ATP6V1E2: variants seen among roughly 807,000 people sequenced by gnomAD.
ATP6V1E2 encodes ATPase H+ transporting V1 subunit E2, also known as V-type proton ATPase subunit E 2.
For synonymous variants in ATP6V1E2, 121 were observed against 104.2 expected, an observed-to-expected ratio of 1.16 and a Z score of -0.98; for missense variants, 308 against 273.3, an observed-to-expected ratio of 1.13 and a Z score of -0.90.
Position 46,530,651 on chromosome 2 carries a change from A to C in ATP6V1E2, c.-102+5162T>G, listed in dbSNP as rs1202750431. 6.6e-6 allele frequency among the ~76,000 whole-genome samples: 1 copy of C among 152,150 alleles called. No individual in the cohort carries two copies. The highest frequency in any genetic ancestry group is 1.5e-5 in the Non-Finnish European group (1 of 68,030). On this transcript the variant is annotated intron_variant, in intron 4 of 4. Coordinates refer to ENST00000522587, the MANE Select transcript of ATP6V1E2 (RefSeq NM_001318063.2). This position sits in a 1 kb window ranked among gnomAD's most constrained non-coding sequence, Gnocchi z 5.2. ...TCCTGATGTATTAGTTTGTTCTCAC[A>C]CTGCGAATAAAGACATAACCAGGAC...
rs1235243049 is a variant in ATP6V1E2, at chr2:46,511,906, T to C, written c.*125A>G. On this transcript the variant is annotated 3_prime_UTR_variant, in exon 5 of 5. Transcript: ENST00000522587. ...AACACTTTAGCTATCCAAAGGGTAT[T>C]TCGTGAAGAAAAACAGAACAGTATC... 8.3e-6 allele frequency: 7 copies of C among 845,148 alleles called. No homozygotes were observed. Among genetic ancestry groups the C allele is most frequent in the Non-Finnish European group, 1.2e-5 (7 of 569,918 alleles). The allele number at this position is 845,148 out of a possible 1,614,324, so 52.4% of individuals were successfully genotyped here.
chr2:46,539,811 A>G (rs751635053), intron 2 of ATP6V1E2, among the ~76,000 whole-genome samples: 11 of 152,202 alleles, frequency 7.2e-5, no homozygotes, highest in South Asian at 2.1e-4. Context: ...CCCCAGGTCA[A>G]TGACATCACT....
At chr2:46,525,639 ATGAG>A (rs1379450012) in intron 4 of ATP6V1E2, among the ~76,000 whole-genome samples, 2 of 152,122 alleles carry the variant, frequency 1.3e-5, no homozygotes, top group Non-Finnish European at 2.9e-5. Flanking sequence ...TCAGTTGCTG[ATGAG>A]TAAGGAGCCA....
At chr2:46,516,811 T>C (rs1489604773) in intron 4 of ATP6V1E2, among the ~76,000 whole-genome samples, 1 of 151,866 alleles carries the variant, frequency 6.6e-6, no homozygotes, top group Non-Finnish European at 1.5e-5. Context: ...CTGAAAAGTA[T>C]AAAACATTGC....
intron 2 of ATP6V1E2, among the ~76,000 whole-genome samples, chr2:46,540,764 T>C (rs1352029579): frequency 6.6e-6 from 1 of 151,948 alleles, no homozygotes; most frequent in Non-Finnish European, 1.5e-5. Context: ...CCCCTCCCCA[T>C]CCCACATATA....
chr2:46,520,004 T>G (rs1036782262), intron 4 of ATP6V1E2: 1 of 152,286 alleles, frequency 6.6e-6, no homozygotes, highest in African/African-American at 2.4e-5. Flanking sequence ...TGACCAGTCA[T>G]ATCCTTTGTG....
rs1336532876 is a variant in ATP6V1E2 at position 46,530,025 on chromosome 2, T to TA, written c.-102+5787dup. ...TCAGTATATTTATAACCTGTCCTGTTACATTGTTGCAAAGGGGGTTGAAGG... is the reference window on the plus strand; with the variant it reads ...TCAGTATATTTATAACCTGTCCTGTTAACATTGTTGCAAAGGGGGTTGAAGG... On this transcript the variant is annotated intron_variant, in intron 4 of 4. Transcript: ENST00000522587. The surrounding 1 kb of genome is among the most constrained non-coding windows in gnomAD (Gnocchi z 5.2). 6.6e-6 allele frequency among the ~76,000 whole-genome samples: 1 copy of TA among 152,180 alleles called. No individual in the cohort carries two copies. The highest frequency in any genetic ancestry group is 1.5e-5 in the Non-Finnish European group (1 of 68,026).
At chr2:46,538,267 G>A (rs776588813) in intron 2 of ATP6V1E2, among the ~76,000 whole-genome samples, 1 of 152,254 alleles carries the variant, frequency 6.6e-6, no homozygotes, top group South Asian at 2.1e-4. Flanking sequence ...ACAGGTCCAA[G>A]CTTGTCATTT....
chr2:46,529,033 A>G (rs1667060136), intron 4 of ATP6V1E2, among the ~76,000 whole-genome samples: 1 of 152,190 alleles, frequency 6.6e-6, no homozygotes. Flanking sequence ...CAGAGGGGCC[A>G]AGGGTAGGTA....
chr2:46,519,085 GA>G (rs1666470618), intron 4 of ATP6V1E2: 1 of 152,186 alleles, frequency 6.6e-6, no homozygotes, highest in Admixed American at 6.5e-5. Context: ...CAGGCAGCTT[GA>G]ATCCAAAGAG....
chr2:46,517,462 C>G (rs567126393), intron 4 of ATP6V1E2, among the ~76,000 whole-genome samples: 4 of 152,044 alleles, frequency 2.6e-5, no homozygotes, highest in Non-Finnish European at 5.9e-5. Flanking sequence ...GCACAGACAA[C>G]AAAAGCAAAA....
intron 4 of ATP6V1E2, among the ~76,000 whole-genome samples, chr2:46,531,401 A>G (rs1667174604): frequency 1.3e-5 from 2 of 152,234 alleles, no homozygotes; most frequent in Non-Finnish European, 2.9e-5. Flanking sequence ...CACTGTATCC[A>G]TATACCACAA....
intron 4 of ATP6V1E2, among the ~76,000 whole-genome samples, chr2:46,526,462 T>G (rs766233550): frequency 9.2e-5 from 14 of 152,194 alleles, no homozygotes; most frequent in Non-Finnish European, 1.6e-4. Context: ...CACATGGTTT[T>G]GCAACTATCA....
At chr2:46,513,084 G>A (rs1687549409) in intron 4 of ATP6V1E2, among the ~76,000 whole-genome samples, 1 of 152,168 alleles carries the variant, frequency 6.6e-6, no homozygotes, top group South Asian at 2.1e-4. Flanking sequence ...AGTGGCCTAA[G>A]ACTCAGATAG....
At position 46,530,483 on chromosome 2, in the gene ATP6V1E2, C is replaced by T. The variant is rs7586381; in HGVS notation, c.-102+5330G>A. Among the ~76,000 whole-genome samples, 39 of 152,272 alleles carry T rather than the reference C, an allele frequency of 2.6e-4. No individual in the cohort carries two copies. Among genetic ancestry groups the T allele is most frequent in the African/African-American group, 8.7e-4 (36 of 41,540 alleles). The stretch of plus-strand genomic sequence containing the variant: ...AAACACAAAGGTTCTCATTATTACC[C>T]GCTTTCCCTGGCCACCTGCCCTGCA... On this transcript the variant is annotated intron_variant, in intron 4 of 4. Transcript: ENST00000522587. The surrounding 1 kb of genome is among the most constrained non-coding windows in gnomAD (Gnocchi z 5.2).
In ATP6V1E2 at chr2:46,512,723, G is replaced by A. The variant is rs1007883231; in HGVS notation, c.-12C>T. On this transcript the variant is annotated 5_prime_UTR_variant, in exon 5 of 5. Coordinates refer to ENST00000522587, the MANE Select transcript of ATP6V1E2 (RefSeq NM_001318063.2). ...TCACTCAGGGCCATGGCTGCTCTCA[G>A]AGGGGACGGCAGAGAGGGAGCTCGT... The A allele has an allele frequency of 7.5e-6, 12 of 1,601,480 alleles. No homozygotes were observed. The highest frequency in any genetic ancestry group is 1.0e-5 in the Non-Finnish European group (12 of 1,174,664).
intron 2 of ATP6V1E2, among the ~76,000 whole-genome samples, chr2:46,538,148 C>T (rs1558671667): frequency 1.3e-5 from 2 of 152,154 alleles, no homozygotes; most frequent in Non-Finnish European, 2.9e-5. Flanking sequence ...TGTTCACTGC[C>T]ATGCTTGGGT....
At chr2:46,525,416 C>T (rs1287345962) in intron 4 of ATP6V1E2, among the ~76,000 whole-genome samples, 148 of 145,920 alleles carry the variant, frequency 1.0e-3, no homozygotes, top group Middle Eastern at 3.6e-3. Context: ...GAGCCGAGAT[C>T]GCGCCACAGC....
In ATP6V1E2 at chr2:46,530,987, A is replaced by G. The variant is rs1366581498; in HGVS notation, c.-102+4826T>C. 6.6e-6 allele frequency among the ~76,000 whole-genome samples: 1 copy of G among 152,210 alleles called. No homozygotes were observed. Among genetic ancestry groups the G allele is most frequent in the East Asian group, 1.9e-4 (1 of 5,198 alleles). ...TGAGATTTGGGTGAGGACACAGCCA[A>G]ACCATATTACCTGACTTTTTTTCTC... is the stretch of plus-strand genomic sequence containing the variant. On this transcript the variant is annotated intron_variant, in intron 4 of 4. Transcript: ENST00000522587. The surrounding 1 kb of genome is among the most constrained non-coding windows in gnomAD (Gnocchi z 5.2).
Sources: gnomAD v4.1 joint callset for allele counts (sites outside exome capture counted in the v4.1 genomes callset) on GRCh38, gnomAD v4.1.1 for gene constraint, Gnocchi (gnomAD v3.1) non-coding constraint, MANE v1.5 for transcripts, NCBI Gene and HGNC (gene_info 2026-07-23, HGNC 2026-07-21) for gene names.